ASIC2: variants seen among roughly 807,000 people sequenced by gnomAD.
ASIC2 encodes the protein acid sensing ion channel subunit 2.
A neutral mutation model predicts 57.3 loss-of-function variants in ASIC2; 25 were observed. The observed-to-expected ratio is 0.44, with a 90% CI of 0.32 to 0.61. The LOEUF (loss-of-function observed/expected upper bound fraction) is 0.61. Among genes scored for constraint, ASIC2 ranks in the 20% least tolerant of loss-of-function variants. The pLI, the probability that ASIC2 is intolerant of heterozygous loss-of-function variation, is 0.06. For synonymous variants in ASIC2, 319 were observed against 307.5 expected (o/e 1.04, Z -0.39); for missense variants, 641 against 738.1 (o/e 0.87, Z 1.52).
chr17:34,034,206 C>T lies in ASIC2; in HGVS notation c.555+121772G>A, dbSNP rs532203261. Among the ~76,000 whole-genome samples the T allele has an allele frequency of 2.7e-4, 41 of 152,298 alleles. 1 individual carries two copies. The highest frequency in any genetic ancestry group is 8.2e-4 in the African/African-American group (34 of 41,568). On this transcript the variant is annotated intron_variant, in intron 1 of 9. Transcript: ENST00000359872. ...TCCCTGGAATGCAAGGCTGGTTCAA[C>T]ATATGCAAATCAATAAATGTAATCC...
At chr17:33,624,712 A>G (rs1187224335) in intron 1 of ASIC2, among the ~76,000 whole-genome samples, 1 of 152,222 alleles carries the variant, frequency 6.6e-6, no homozygotes, top group African/African-American at 2.4e-5. Flanking sequence ...CTTTTGAATA[A>G]AGTGGGGCAC....
intron 1 of ASIC2, among the ~76,000 whole-genome samples, chr17:33,498,387 T>C (rs1914003602): frequency 6.6e-6 from 1 of 152,126 alleles, no homozygotes; most frequent in Non-Finnish European, 1.5e-5. Context: ...GTGGCTGCTG[T>C]AGGTGGGAGA....
chr17:33,829,362 C>T (rs8072287), intron 1 of ASIC2, among the ~76,000 whole-genome samples: 123,499 of 152,114 alleles, frequency 0.81, 50,488 homozygotes, highest in African/African-American at 0.85. Context: ...GTATCATTAA[C>T]TAAAAAGTGC....
At chr17:33,736,292 A>G (rs144800105) in intron 1 of ASIC2, among the ~76,000 whole-genome samples, 455 of 152,180 alleles carry the variant, frequency 3.0e-3, no homozygotes, top group East Asian at 0.015. Flanking sequence ...GTGGGTCAGC[A>G]CAGTGCCCGA....
intron 1 of ASIC2, among the ~76,000 whole-genome samples, chr17:34,114,105 T>A (rs1911359981): frequency 6.6e-6 from 1 of 152,178 alleles, no homozygotes; most frequent in African/African-American, 2.4e-5. Flanking sequence ...CAAAGCTAGT[T>A]CATGAGGTTC....
chr17:33,362,693 T>A (rs1354978016), intron 1 of ASIC2, among the ~76,000 whole-genome samples: 1 of 152,254 alleles, frequency 6.6e-6, no homozygotes, highest in East Asian at 1.9e-4. Flanking sequence ...CCACTGACCC[T>A]TGTGCCTCTC....
chr17:33,162,368 A>G (rs1905187692), intron 1 of ASIC2, among the ~76,000 whole-genome samples: 1 of 152,194 alleles, frequency 6.6e-6, no homozygotes, highest in Admixed American at 6.5e-5. Flanking sequence ...ATCTCCTCGC[A>G]CGGAACATCT....
At chr17:33,152,185 C>G (rs887885023) in intron 1 of ASIC2, among the ~76,000 whole-genome samples, 11 of 152,116 alleles carry the variant, frequency 7.2e-5, no homozygotes, top group African/African-American at 2.7e-4. Context: ...CAACGTCTTA[C>G]AGATTTGGTG....
intron 1 of ASIC2, among the ~76,000 whole-genome samples, chr17:33,607,172 T>C (rs1394632307): frequency 6.6e-6 from 1 of 152,114 alleles, no homozygotes; most frequent in East Asian, 1.9e-4. Context: ...GAGCATGTTT[T>C]AGGGAGCAGA....
intron 1 of ASIC2, among the ~76,000 whole-genome samples, chr17:33,521,059 A>G (rs1567638121): frequency 6.6e-6 from 1 of 152,152 alleles, no homozygotes; most frequent in Non-Finnish European, 1.5e-5. Context: ...ATTATTTCAT[A>G]ACAGGCAGGC....
chr17:33,636,556 A>T (rs961583426), intron 1 of ASIC2, among the ~76,000 whole-genome samples: 1 of 152,058 alleles, frequency 6.6e-6, no homozygotes, highest in South Asian at 2.1e-4. Context: ...TCCTTTTATC[A>T]TCTCCATACG....
chr17:34,024,634 A>G (rs1907305214), intron 1 of ASIC2, among the ~76,000 whole-genome samples: 1 of 152,162 alleles, frequency 6.6e-6, no homozygotes, highest in African/African-American at 2.4e-5. Flanking sequence ...CTGGGTTTCC[A>G]TTGCCTGTTT....
intron 1 of ASIC2, among the ~76,000 whole-genome samples, chr17:33,635,676 CTCTG>C (rs1466419257): frequency 6.6e-6 from 1 of 152,202 alleles, no homozygotes; most frequent in Non-Finnish European, 1.5e-5. Flanking sequence ...TTTAGCGTCT[CTCTG>C]TATAGAGAAG....
At chr17:33,730,834 A>G (rs1909717632) in intron 1 of ASIC2, among the ~76,000 whole-genome samples, 2 of 152,212 alleles carry the variant, frequency 1.3e-5, no homozygotes, top group Admixed American at 1.3e-4. Flanking sequence ...AGAGATTAAG[A>G]AATGTGGACC....
chr17:33,172,552 G>A (rs1345201534), intron 1 of ASIC2, among the ~76,000 whole-genome samples: 1 of 152,180 alleles, frequency 6.6e-6, no homozygotes, highest in African/African-American at 2.4e-5. Context: ...CACAGCACAG[G>A]CCCTCTGGAC....
At chr17:33,721,045 T>C (rs1280146515) in intron 1 of ASIC2, among the ~76,000 whole-genome samples, 1 of 152,104 alleles carries the variant, frequency 6.6e-6, no homozygotes, top group Non-Finnish European at 1.5e-5. Flanking sequence ...AATGAAGCAA[T>C]GAAAACATTC....
rs898666338 is a variant in ASIC2 at position 33,350,396 on chromosome 17, C to A, written c.556-238329G>T. Reference sequence around the variant, plus strand: ...CTGAATCACTTAATTTACTTAATCACTGGCCAGGCACGGTGGCTCACACCT... The same window carrying A: ...CTGAATCACTTAATTTACTTAATCAATGGCCAGGCACGGTGGCTCACACCT... On this transcript the variant is annotated intron_variant, in intron 1 of 9. Coordinates refer to the ASIC2 transcript ENST00000359872. Among the ~76,000 whole-genome samples, 7 of 152,212 alleles carry A rather than the reference C, an allele frequency of 4.6e-5. 1 individual carries two copies. In the East Asian group the frequency reaches 1.2e-3, roughly 25 times the overall value.
At chr17:34,003,540 A>G (rs1019984132) in intron 1 of ASIC2, 2 of 152,094 alleles carry the variant, frequency 1.3e-5, no homozygotes, top group Non-Finnish European at 2.9e-5. Context: ...CATTAACACC[A>G]TTATCATCAT....
chr17:33,222,034 A>G lies in ASIC2; in HGVS notation c.708+69374T>C, dbSNP rs981552940. On this transcript the variant is annotated intron_variant, in intron 1 of 9. Transcript: ENST00000225823. The stretch of plus-strand genomic sequence containing the variant: ...GGAAACTTAACTATTCCCTAGGATT[A>G]GGTGGGTTCTCTGTAGTGCAACAAA... Among the ~76,000 whole-genome samples, 5 of 152,284 alleles carry G rather than the reference A, an allele frequency of 3.3e-5. No individual in the cohort carries two copies. The East Asian group carries it at 5.8e-4, about 18-fold the overall frequency.
Sources: allele counts gnomAD v4.1 joint callset (sites outside exome capture counted in the v4.1 genomes callset), GRCh38; gene constraint gnomAD v4.1.1; transcripts MANE v1.5; gene names NCBI Gene and HGNC (gene_info 2026-07-23, HGNC 2026-07-21).